The following MAPK14 variants were observed in gnomAD, a reference collection of about 807,000 sequenced individuals.
The protein encoded by MAPK14 is CSAID-binding protein.
A neutral mutation model predicts 49.6 loss-of-function variants in MAPK14; 16 were observed. The observed-to-expected ratio is 0.32, with a 90% CI of 0.22 to 0.49. The LOEUF is 0.49. Among genes scored for constraint, MAPK14 ranks in the 20% least tolerant of loss-of-function variants. The pLI, the probability that MAPK14 is intolerant of heterozygous loss-of-function variation, is 0.99. For missense variants in MAPK14, 200 were observed against 441.2 expected (o/e 0.45, Z 4.90); for synonymous variants, 142 against 158.0 (o/e 0.90, Z 0.76).
intron 7 of MAPK14, 73 bp downstream of exon 7, chr6:36,076,035 A>G (rs1357209401): frequency 6.8e-7 from 1 of 1,469,648 alleles, no homozygotes; most frequent in Middle Eastern, 1.7e-4. Flanking sequence ...TCAGAAATAG[A>G]GATGGTGGGA....
chr6:36,065,547 T>TGTGTGTGTGTGTGTGTGTGTG (rs1581777404), intron 3 of MAPK14, among the ~76,000 whole-genome samples: 3 of 145,320 alleles, frequency 2.1e-5, no homozygotes, highest in Non-Finnish European at 3.0e-5. Flanking sequence ...TGTGTGTGTG[T>TGTGTGTGTGTGTGTGTGTGTG]TTGGTGGGAA....
chr6:36,028,830 C>G lies in MAPK14; in HGVS notation c.116+557C>G, dbSNP rs970547581. 2.3e-5 allele frequency among the ~76,000 whole-genome samples: 3 copies of G among 131,130 alleles called. No homozygotes were observed. The highest frequency in any genetic ancestry group is 1.6e-4 in the Admixed American group (2 of 12,146). The allele number at this position is 131,130 out of a possible 152,430, so 86.0% of individuals were successfully genotyped here. A position where few individuals can be genotyped will look rare whatever the true frequency, so the allele number is the denominator to read the frequency against. Reference sequence around the variant, plus strand: ...TTTTTTTTCAAAACTCTGTCGAAATCCCATCTTGAAAAGCGTTCTTTTTGA... The same window carrying G: ...TTTTTTTTCAAAACTCTGTCGAAATGCCATCTTGAAAAGCGTTCTTTTTGA... On this transcript the variant is annotated intron_variant, in intron 1 of 11. Coordinates refer to ENST00000229794, the MANE Select transcript of MAPK14 (RefSeq NM_139012.3). This position sits in a 1 kb window ranked among gnomAD's most constrained non-coding sequence, Gnocchi z 5.1.
chr6:36,101,153 C>T lies in MAPK14; in HGVS notation c.763-1418C>T, dbSNP rs150573983. On this transcript the variant is annotated intron_variant, in intron 9 of 11. Transcript: ENST00000229794. ...GACTCCACATGCAATAATTAAGAAG[C>T]GGAAGGCTGGGTGTGGTGGCGTGCA... is the stretch of plus-strand genomic sequence containing the variant. Among the ~76,000 whole-genome samples the T allele has an allele frequency of 1.0e-3, 159 of 152,250 alleles. 1 individual carries two copies. The highest frequency in any genetic ancestry group is 3.6e-3 in the African/African-American group (149 of 41,546).
the MAPK14 span, among the ~76,000 whole-genome samples, chr6:36,117,533 G>T: frequency 6.6e-6 from 1 of 152,150 alleles, no homozygotes; most frequent in Admixed American, 6.5e-5. Context: ...CTGTAATCTG[G>T]AATGATCATT....
the MAPK14 span, among the ~76,000 whole-genome samples, chr6:36,121,600 A>G: frequency 6.6e-6 from 1 of 152,152 alleles, no homozygotes; most frequent in South Asian, 2.1e-4. Flanking sequence ...CCCCTTACTC[A>G]TCCCTGTTGC....
At chr6:36,098,080 A>G (rs758223065) in intron 9 of MAPK14, 18 of 152,284 alleles carry the variant, frequency 1.2e-4, no homozygotes, top group Non-Finnish European at 2.1e-4. Context: ...AGGCCAGGTG[A>G]GTAAAATTGT....
In MAPK14 at chr6:36,035,639, G is replaced by A. The variant is rs540763902; in HGVS notation, c.116+7366G>A. 5.7e-4 allele frequency among the ~76,000 whole-genome samples: 87 copies of A among 152,324 alleles called. 1 individual carries two copies. In the South Asian group the frequency reaches 0.015, roughly 25 times the overall value. ...TGTACCAAACAGCCAATTTGTGAAT[G>A]CAAATGAAAAGTTTTTGAAGGAAAT... On this transcript the variant is annotated intron_variant, in intron 1 of 11. Coordinates refer to ENST00000229794, the MANE Select transcript of MAPK14 (RefSeq NM_139012.3).
At chr6:36,054,890 TG>T (rs1298979097) in intron 2 of MAPK14, among the ~76,000 whole-genome samples, 1 of 152,218 alleles carries the variant, frequency 6.6e-6, no homozygotes, top group Non-Finnish European at 1.5e-5. Flanking sequence ...TTAAAACTTG[TG>T]AACATTTTAG....
At position 36,028,193 on chromosome 6, in the gene MAPK14, G is replaced by A. The variant is rs1406880421; in HGVS notation, c.36G>A (p.Glu12=). Reference sequence around the variant, plus strand: ...AGAGGCCCACGTTCTACCGGCAGGAGCTGAACAAGACAATCTGGGAGGTGC... The same window carrying A: ...AGAGGCCCACGTTCTACCGGCAGGAACTGAACAAGACAATCTGGGAGGTGC... ...SQERPTFYRQ[E]LNKTIWEVPE... The change falls in exon 1 of 12, where the codon GAG becomes GAA. Residue 12 remains glutamate (E), a synonymous_variant. Transcript: ENST00000229794. The surrounding 1 kb of genome is among the most constrained non-coding windows in gnomAD (Gnocchi z 5.1). 6.2e-7 allele frequency: 1 copy of A among 1,613,818 alleles called. No homozygotes were observed. Among genetic ancestry groups the A allele is most frequent in the South Asian group, 1.1e-5 (1 of 91,068 alleles).
chr6:36,114,911 A>C (rs1766034089), downstream of MAPK14, among the ~76,000 whole-genome samples: 1 of 152,140 alleles, frequency 6.6e-6, no homozygotes, highest in Admixed American at 6.5e-5. Context: ...TGTTGTCGAC[A>C]CTCAAGATAC....
chr6:36,080,548 C>T (rs1764714340), intron 8 of MAPK14, among the ~76,000 whole-genome samples: 1 of 152,080 alleles, frequency 6.6e-6, no homozygotes, highest in South Asian at 2.1e-4. Context: ...AATACTATTC[C>T]ATTGTAAGTA....
chr6:36,075,803 G>T, intron 6 of MAPK14, 45 bp from the exon 7 acceptor site: 1 of 1,611,506 alleles, frequency 6.2e-7, no homozygotes. Flanking sequence ...TTCCCTGCCT[G>T]TTTCTAAGTC....
intron 8 of MAPK14, among the ~76,000 whole-genome samples, chr6:36,087,134 T>C (rs968498566): frequency 6.6e-6 from 1 of 152,136 alleles, no homozygotes; most frequent in Non-Finnish European, 1.5e-5. Context: ...TAGGTGTTGA[T>C]GGAACATACC....
At chr6:36,059,230 A>T (rs1313772926) in intron 2 of MAPK14, 59 bp from the exon 3 acceptor site, 15 of 1,053,996 alleles carry the variant, frequency 1.4e-5, no homozygotes, top group Non-Finnish European at 2.1e-5. Context: ...TTAAGACCTG[A>T]TGGGTACTAT....
At chr6:36,093,330 A>G (rs1188552333) in intron 8 of MAPK14, among the ~76,000 whole-genome samples, 1 of 152,096 alleles carries the variant, frequency 6.6e-6, no homozygotes, top group African/African-American at 2.4e-5. Flanking sequence ...ACTGTGACTA[A>G]TGGAAATTGC....
chr6:36,071,625 C>G (rs1292151013), intron 3 of MAPK14, among the ~76,000 whole-genome samples: 1 of 152,134 alleles, frequency 6.6e-6, no homozygotes, highest in Non-Finnish European at 1.5e-5. Flanking sequence ...AATCCTTTCA[C>G]TAGTCATTCC....
intron 1 of MAPK14, among the ~76,000 whole-genome samples, chr6:36,047,736 A>AT (rs143911159): frequency 0.16 from 22,144 of 137,488 alleles, 2,268 homozygotes; most frequent in African/African-American, 0.31. Context: ...TGCCTGACTA[A>AT]TTTTTTTTTT....
In MAPK14 at chr6:36,102,107, G is replaced by C. The variant is rs111689045; in HGVS notation, c.763-464G>C. Among the ~76,000 whole-genome samples, 510 of 152,272 alleles carry C rather than the reference G, an allele frequency of 3.3e-3. 4 individuals are homozygous for C. Among genetic ancestry groups the C allele is most frequent in the African/African-American group, 0.011 (477 of 41,548 alleles). On this transcript the variant is annotated intron_variant, in intron 9 of 11. Coordinates refer to ENST00000229794, the MANE Select transcript of MAPK14 (RefSeq NM_139012.3). ...ACTTTTTTGTTACCACCGTTACTTT[G>C]TTAGCAAGGTTTAATATTGATATCC...
the MAPK14 span, among the ~76,000 whole-genome samples, chr6:36,123,351 A>G: frequency 6.6e-6 from 1 of 152,210 alleles, no homozygotes; most frequent in Non-Finnish European, 1.5e-5. Flanking sequence ...GGGCCCCACA[A>G]GGATGAGGCC....
Sources: allele counts gnomAD v4.1 joint callset (sites outside exome capture counted in the v4.1 genomes callset), GRCh38; gene constraint gnomAD v4.1.1; non-coding constraint Gnocchi (gnomAD v3.1); transcripts MANE v1.5; gene names NCBI Gene and HGNC (gene_info 2026-07-23, HGNC 2026-07-21).